The following IKZF1 variants were observed in gnomAD, a reference collection of about 807,000 sequenced individuals.
The protein encoded by IKZF1 is IKAROS family zinc finger 1, also known as DNA-binding protein Ikaros.
In IKZF1, 10 loss-of-function variants were observed where a neutral mutation model predicts 51.7. The observed-to-expected ratio is 0.19, with a 90% CI of 0.12 to 0.33. IKZF1 has a LOEUF of 0.33. IKZF1 is among the 10% of genes least tolerant of loss of function. The pLI, the probability that IKZF1 is intolerant of heterozygous loss-of-function variation, is 1.00. For synonymous variants in IKZF1, 280 were observed against 282.3 expected (o/e 0.99, Z 0.08); for missense variants, 484 against 707.5 (o/e 0.68, Z 3.58).
chr7:50,391,904 G>A (rs765951269), intron 7 of IKZF1, 41 bp downstream of exon 7: 3 of 1,580,482 alleles, frequency 1.9e-6, no homozygotes, highest in South Asian at 1.1e-5. Context: ...AAAAAACTAT[G>A]TGGGTGTTTT....
chr7:50,325,309 C>T (rs1794653005), intron 2 of IKZF1, among the ~76,000 whole-genome samples: 1 of 143,160 alleles, frequency 7.0e-6, no homozygotes, highest in Non-Finnish European at 1.5e-5. Flanking sequence ...CCTCTGACAA[C>T]CTTCATAAAG....
Position 50,391,845 on chromosome 7 carries a change from A to G in IKZF1, c.832A>G (p.Met278Val), listed in dbSNP as rs1815169572. Residue 278 changes from methionine to valine, a missense_variant, in exon 7 of 8, where the codon ATG becomes GTG. By Grantham distance (21) the Met-to-Val change is conservative. Around this residue, in one of 6 missense-constraint regions of IKZF1, gnomAD observed 172 missense variants for 192.7 expected, o/e 0.89. Coordinates refer to ENST00000331340, the MANE Select transcript of IKZF1 (RefSeq NM_006060.6). ...TAACGTCGCCAAACGTAAGAGCTCT[A>G]TGCCTCAGAAATTTCTTGGTAAGAG... Reference protein sequence around the residue: ...ASNVAKRKSSMPQKFLGDKGL... With the variant: ...ASNVAKRKSSVPQKFLGDKGL... 6.2e-7 allele frequency: 1 copy of G among 1,613,442 alleles called. No individual in the cohort carries two copies. The highest frequency in any genetic ancestry group is 8.5e-7 in the Non-Finnish European group (1 of 1,179,606).
At chr7:50,391,424 G>A (rs1815022999) in intron 6 of IKZF1, among the ~76,000 whole-genome samples, 1 of 152,224 alleles carries the variant, frequency 6.6e-6, no homozygotes, top group South Asian at 2.1e-4. Context: ...ACTTGTCAAA[G>A]GGACATCAAT....
At chr7:50,379,216 C>G (rs1425581492) in intron 4 of IKZF1, among the ~76,000 whole-genome samples, 1 of 152,206 alleles carries the variant, frequency 6.6e-6, no homozygotes, top group Non-Finnish European at 1.5e-5. Flanking sequence ...TGACAGTGAA[C>G]AGGGCCATTC....
In IKZF1 at chr7:50,403,357, A is replaced by G. The variant is rs200572756; in HGVS notation, c.*2730A>G. On this transcript the variant is annotated 3_prime_UTR_variant, in exon 8 of 8. Transcript: ENST00000331340. ...TTTTTTGCGTAGTTTCTTCTGTTGTATGATGGCGTGAGTGTGTGTCTTGGG... is the reference window on the plus strand; with the variant it reads ...TTTTTTGCGTAGTTTCTTCTGTTGTGTGATGGCGTGAGTGTGTGTCTTGGG... 1.0e-3 allele frequency: 224 copies of G among 223,320 alleles called. 1 individual carries two copies. Among genetic ancestry groups the G allele is most frequent in the African/African-American group, 4.5e-3 (201 of 44,802 alleles). 13.8% of individuals were successfully genotyped at this position (223,320 alleles called of 1,614,324 possible). A position where few individuals can be genotyped will look rare whatever the true frequency, so the allele number is the denominator to read the frequency against.
intron 3 of IKZF1, among the ~76,000 whole-genome samples, chr7:50,360,858 G>A (rs1332536720): frequency 1.3e-5 from 2 of 152,186 alleles, no homozygotes; most frequent in African/African-American, 2.4e-5. Context: ...TCCTGACAGG[G>A]CCTAGATATG....
chr7:50,323,300 A>T (rs1337377013), intron 2 of IKZF1, among the ~76,000 whole-genome samples: 1 of 152,208 alleles, frequency 6.6e-6, no homozygotes, highest in East Asian at 1.9e-4. Flanking sequence ...TGTGATCCCC[A>T]CTTGGACCCT....
At chr7:50,396,056 T>C (rs1816615913) in intron 7 of IKZF1, among the ~76,000 whole-genome samples, 1 of 152,202 alleles carries the variant, frequency 6.6e-6, no homozygotes, top group African/African-American at 2.4e-5. Context: ...CTTGGTCTAT[T>C]CATTCGGAAT....
intron 3 of IKZF1, among the ~76,000 whole-genome samples, chr7:50,353,956 C>T (rs1030410839): frequency 6.6e-6 from 1 of 152,162 alleles, no homozygotes; most frequent in Non-Finnish European, 1.5e-5. Context: ...AGCCAGGATG[C>T]TGGGATCTTA....
chr7:50,327,222 A>G (rs28727308), intron 2 of IKZF1, among the ~76,000 whole-genome samples: 2,560 of 152,322 alleles, frequency 0.017, 71 homozygotes, highest in African/African-American at 0.056. Context: ...ACTCAAAAAT[A>G]GGAAAAGAAT....
At chr7:50,378,560 G>GTGA (rs1810958628) in intron 4 of IKZF1, among the ~76,000 whole-genome samples, 1 of 152,200 alleles carries the variant, frequency 6.6e-6, no homozygotes, top group African/African-American at 2.4e-5. Context: ...ATAAATATTT[G>GTGA]ATAAGTGAAT....
In IKZF1 at chr7:50,376,688, G is replaced by A. The variant is rs868197423; in HGVS notation, c.316G>A (p.Gly106Arg). ...HRDQGSSALS[G>R]VGGIRLPNGK... The stretch of plus-strand genomic sequence containing the variant: ...GGACCAAGGCAGCTCGGCTTTGTCG[G>A]GAGTTGGAGGCATTCGACTTCCTAA... The change falls in exon 4 of 8, where the codon GGA becomes AGA. Residue 106 changes from glycine (G) to arginine (R), a missense_variant. Gly to Arg is a moderately radical substitution (Grantham distance 125, BLOSUM62 -2). Transcript: ENST00000331340. This position sits in a 1 kb window ranked among gnomAD's most constrained non-coding sequence, Gnocchi z 4.5. 2 of 1,613,928 alleles carry A rather than the reference G, an allele frequency of 1.2e-6. No homozygotes were observed. Among genetic ancestry groups the A allele is most frequent in the South Asian group, 2.2e-5 (2 of 91,070 alleles).
chr7:50,402,479 C>G lies in IKZF1; in HGVS notation c.*1852C>G, dbSNP rs1585047524. On this transcript the variant is annotated 3_prime_UTR_variant, in exon 8 of 8. Transcript: ENST00000331340. ...TCCAGACATCACCAACTGTCCCCTG[C>G]GAGGAGAAATCACTCCTGGGGGAGA... 8.7e-6 allele frequency: 2 copies of G among 230,936 alleles called. No individual in the cohort carries two copies. The highest frequency in any genetic ancestry group is 4.4e-5 in the African/African-American group (2 of 45,308). 14.3% of individuals were successfully genotyped at this position (230,936 alleles called of 1,614,324 possible). A position where few individuals can be genotyped will look rare whatever the true frequency, so the allele number is the denominator to read the frequency against.
chr7:50,364,082 G>A (rs1806081297), intron 3 of IKZF1, among the ~76,000 whole-genome samples: 1 of 152,140 alleles, frequency 6.6e-6, no homozygotes, highest in South Asian at 2.1e-4. Flanking sequence ...ATCTGAATGT[G>A]TTTACCTTTA....
intron 1 of IKZF1, among the ~76,000 whole-genome samples, chr7:50,305,911 G>GT (rs1405459640): frequency 1.1e-4 from 16 of 152,232 alleles, no homozygotes; most frequent in East Asian, 9.6e-4. Flanking sequence ...GAGTCGAGGG[G>GT]TGGGGGGGAC....
intron 1 of IKZF1, among the ~76,000 whole-genome samples, chr7:50,306,487 G>A (rs1788817310): frequency 6.6e-6 from 1 of 152,066 alleles, no homozygotes; most frequent in African/African-American, 2.4e-5. Flanking sequence ...GTACCTCTTG[G>A]AAAACTACAC....
intron 1 of IKZF1, chr7:50,318,717 A>G (rs1006688733): frequency 7.6e-6 from 2 of 264,260 alleles, no homozygotes; most frequent in Non-Finnish European, 1.4e-5. Flanking sequence ...TTCTGTGCCT[A>G]CAATGACCCA....
chr7:50,311,260 C>G (rs946928887), intron 1 of IKZF1, among the ~76,000 whole-genome samples: 3 of 152,128 alleles, frequency 2.0e-5, no homozygotes, highest in Non-Finnish European at 4.4e-5. Flanking sequence ...GCCAAAGCAG[C>G]CTTTTATATT....
intron 3 of IKZF1, among the ~76,000 whole-genome samples, chr7:50,360,640 G>A (rs893012934): frequency 6.6e-5 from 10 of 152,180 alleles, no homozygotes; most frequent in Non-Finnish European, 1.5e-4. Context: ...TCTAAAACAC[G>A]TGTGCAGTTA....
Sources: gnomAD v4.1 joint callset for allele counts (sites outside exome capture counted in the v4.1 genomes callset) on GRCh38, gnomAD v4.1.1 for gene constraint, gnomAD v4.1.1 regional missense constraint, Gnocchi (gnomAD v3.1) non-coding constraint, MANE v1.5 for transcripts, NCBI Gene and HGNC (gene_info 2026-07-23, HGNC 2026-07-21) for gene names.